ARHGEF3: variants seen among roughly 807,000 people sequenced by gnomAD.
ARHGEF3 encodes the protein 59.8 kDA protein.
ARHGEF3 carries 28 observed loss-of-function variants against 63.2 expected under a neutral mutation model. The observed-to-expected ratio is 0.44, with a 90% CI of 0.33 to 0.61. ARHGEF3 has a LOEUF of 0.61. ARHGEF3 is among the 20% of genes least tolerant of loss of function. ARHGEF3 has a pLI of 0.03. For synonymous variants in ARHGEF3, 266 were observed against 254.2 expected (o/e 1.05, Z -0.44); for missense variants, 533 against 659.3 (o/e 0.81, Z 2.10).
intron 3 of ARHGEF3, among the ~76,000 whole-genome samples, chr3:56,904,469 C>A (rs941524341): frequency 1.3e-5 from 2 of 152,170 alleles, no homozygotes; most frequent in African/African-American, 4.8e-5. Context: ...CCAGCCAAAA[C>A]TGAGACATTT....
At chr3:56,835,778 G>A (rs928417956) in intron 4 of ARHGEF3, among the ~76,000 whole-genome samples, 15 of 152,162 alleles carry the variant, frequency 9.9e-5, no homozygotes, top group African/African-American at 2.9e-4. Flanking sequence ...ACCCCAGGCC[G>A]GATAGCTAAA....
chr3:56,967,969 T>A (rs866995006), intron 2 of ARHGEF3, among the ~76,000 whole-genome samples: 21 of 61,258 alleles, frequency 3.4e-4, no homozygotes, highest in Middle Eastern at 0.023. Flanking sequence ...AAAATATATT[T>A]TATATTATAG....
At chr3:56,985,771 A>G (rs913032067) in intron 2 of ARHGEF3, among the ~76,000 whole-genome samples, 2 of 147,378 alleles carry the variant, frequency 1.4e-5, no homozygotes, top group African/African-American at 4.9e-5. Flanking sequence ...GCCAGAATGA[A>G]CAAGCAGGTG....
At chr3:56,878,430 T>C (rs73833747) in intron 4 of ARHGEF3, among the ~76,000 whole-genome samples, 6,853 of 152,174 alleles carry the variant, frequency 0.045, 545 homozygotes, top group African/African-American at 0.15. Flanking sequence ...AGTCAGGGGA[T>C]TGGGTGAGGC....
At position 56,770,069 on chromosome 3, in the gene ARHGEF3, C is replaced by T. The variant is rs113184708; in HGVS notation, c.204+3640G>A. On this transcript the variant is annotated intron_variant, in intron 2 of 9. Coordinates refer to ENST00000296315, the MANE Select transcript of ARHGEF3 (RefSeq NM_019555.3). ...ATGTGAAGTGAGCCCACTGAGCACC[C>T]CTTTGGGGCCAGCTCTTCCCCCTCA... Among the ~76,000 whole-genome samples, 1,504 of 152,230 alleles carry T rather than the reference C, an allele frequency of 9.9e-3. 36 individuals carry two copies. The highest frequency in any genetic ancestry group is 0.034 in the African/African-American group (1,408 of 41,502).
chr3:56,865,325 G>A (rs991031924), intron 4 of ARHGEF3, among the ~76,000 whole-genome samples: 149 of 152,190 alleles, frequency 9.8e-4, no homozygotes, highest in African/African-American at 3.3e-3. Context: ...GAATGATTCC[G>A]CTACGGCAAA....
chr3:56,734,611 A>G (rs1175510109), intron 8 of ARHGEF3, among the ~76,000 whole-genome samples: 1 of 152,236 alleles, frequency 6.6e-6, no homozygotes, highest in Non-Finnish European at 1.5e-5. Context: ...TAAAAACTTC[A>G]GATTAGAATT....
At chr3:56,795,633 A>G (rs12635549) in intron 1 of ARHGEF3, among the ~76,000 whole-genome samples, 110,929 of 149,330 alleles carry the variant, frequency 0.74, 42,364 homozygotes, top group Non-Finnish European at 0.83. Flanking sequence ...TTCCTGATTA[A>G]CTTGTGACAC....
At chr3:56,937,893 C>T (rs1441042320) in intron 3 of ARHGEF3, among the ~76,000 whole-genome samples, 1 of 152,190 alleles carries the variant, frequency 6.6e-6, no homozygotes, top group African/African-American at 2.4e-5. Flanking sequence ...TCCCTGAAGT[C>T]AGAGCTTTAC....
chr3:56,981,559 G>A (rs1307939762), intron 2 of ARHGEF3, among the ~76,000 whole-genome samples: 1 of 152,132 alleles, frequency 6.6e-6, no homozygotes, highest in Non-Finnish European at 1.5e-5. Context: ...CTTCTACCCA[G>A]GATCCATAAC....
chr3:56,851,210 A>G (rs2039665466), intron 4 of ARHGEF3, among the ~76,000 whole-genome samples: 1 of 151,990 alleles, frequency 6.6e-6, no homozygotes, highest in Non-Finnish European at 1.5e-5. Flanking sequence ...CTAGTTAAGG[A>G]CAAAAGGCTA....
chr3:56,898,939 A>G (rs1484879135), intron 3 of ARHGEF3, among the ~76,000 whole-genome samples: 2 of 152,186 alleles, frequency 1.3e-5, no homozygotes, highest in African/African-American at 4.8e-5. Flanking sequence ...CTGTAGTCCC[A>G]GCTACTCGGG....
chr3:57,067,747 C>T (rs530719209), intron 1 of ARHGEF3, among the ~76,000 whole-genome samples: 6 of 150,364 alleles, frequency 4.0e-5, no homozygotes, highest in African/African-American at 1.5e-4. Flanking sequence ...TTTGAGAGGC[C>T]GAGGCGGGCG....
chr3:56,996,958 G>C (rs1702021474), intron 2 of ARHGEF3, among the ~76,000 whole-genome samples: 1 of 143,638 alleles, frequency 7.0e-6, no homozygotes, highest in Admixed American at 7.2e-5. Flanking sequence ...TATTTTATGT[G>C]TGGCCCAAGA....
intron 3 of ARHGEF3, among the ~76,000 whole-genome samples, chr3:56,899,231 A>G (rs2108303588): frequency 6.6e-6 from 1 of 152,324 alleles, no homozygotes; most frequent in South Asian, 2.1e-4. Context: ...AAAGATGTGG[A>G]CAGGAGGCCC....
chr3:57,050,278 T>C (rs1021740852), intron 1 of ARHGEF3, among the ~76,000 whole-genome samples: 13 of 152,232 alleles, frequency 8.5e-5, no homozygotes, highest in Non-Finnish European at 1.9e-4. Flanking sequence ...AAAATACAAA[T>C]CTTCCTCCCA....
intron 4 of ARHGEF3, among the ~76,000 whole-genome samples, chr3:56,832,656 A>G (rs1481753139): frequency 6.6e-6 from 1 of 152,226 alleles, no homozygotes; most frequent in Non-Finnish European, 1.5e-5. Flanking sequence ...ACTATTTTAA[A>G]GCACACAATT....
chr3:56,813,390 T>C (rs2038144479), intron 4 of ARHGEF3, among the ~76,000 whole-genome samples: 1 of 152,212 alleles, frequency 6.6e-6, no homozygotes, highest in Admixed American at 6.5e-5. Context: ...TAGGCAAATT[T>C]TCTAGAATGT....
At chr3:56,956,098 C>T (rs1700030900) in intron 3 of ARHGEF3, among the ~76,000 whole-genome samples, 1 of 152,136 alleles carries the variant, frequency 6.6e-6, no homozygotes, top group Non-Finnish European at 1.5e-5. Flanking sequence ...TAACTGACAA[C>T]TTTTGCTGTT....
Sources: allele counts gnomAD v4.1 joint callset (sites outside exome capture counted in the v4.1 genomes callset), GRCh38; gene constraint gnomAD v4.1.1; transcripts MANE v1.5; gene names NCBI Gene and HGNC (gene_info 2026-07-23, HGNC 2026-07-21).